Variants in CCDC88B observed in about 807,000 individuals in gnomAD.
CCDC88B encodes coiled-coil domain-containing protein 88B.
A neutral mutation model predicts 183.7 loss-of-function variants in CCDC88B; 138 were observed. That is an observed-to-expected ratio of 0.75 (90% CI 0.65 to 0.87). The LOEUF is 0.87. CCDC88B is among the 40% of genes least tolerant of loss of function. CCDC88B has a pLI of 0.00. For synonymous variants in CCDC88B, 835 were observed against 867.5 expected, an observed-to-expected ratio of 0.96 and a Z score of 0.66; for missense variants, 1,822 against 1,965.6, an observed-to-expected ratio of 0.93 and a Z score of 1.38.
chr11:64,344,147 G>T lies in CCDC88B; in HGVS notation c.1606G>T (p.Ala536Ser). 6.2e-7 allele frequency: 1 copy of T among 1,613,416 alleles called. No individual in the cohort carries two copies. Among genetic ancestry groups the T allele is most frequent in the Non-Finnish European group, 8.5e-7 (1 of 1,179,916 alleles). ...CCAGGCCTTGGACTTGGCTCCCCCG[G>T]CATTAGACTCAGTGCTCGAGGCATC... ...GPQALDLAPP[A>S]LDSVLEASAE... The change falls in exon 14 of 27, where the codon GCA (alanine) becomes TCA (serine). Residue 536 changes from alanine (A) to serine (S), a missense_variant. Ala to Ser is a moderately conservative substitution (Grantham distance 99, BLOSUM62 1). Transcript: ENST00000356786. The surrounding 1 kb of genome is among the most constrained non-coding windows in gnomAD (Gnocchi z 4.5).
At chr11:64,353,977 C>T in intron 23 of CCDC88B, 27 bp from the exon 24 acceptor site, 1 of 1,525,608 alleles carries the variant, frequency 6.6e-7, no homozygotes, top group South Asian at 1.3e-5. Flanking sequence ...CCTGTCCTGA[C>T]CCCCTCTTGT....
intron 14 of CCDC88B, among the ~76,000 whole-genome samples, chr11:64,346,001 T>G (rs1331608676): frequency 1.3e-5 from 2 of 152,106 alleles, no homozygotes; most frequent in Non-Finnish European, 2.9e-5. Context: ...CGAGACTGTC[T>G]CAAAACAAAC....
In CCDC88B at chr11:64,344,364, A is replaced by C. The variant is rs769375942; in HGVS notation, c.1823A>C (p.Gln608Pro). Residue 608 changes from glutamine (Q) to proline (P), a missense_variant, in exon 14 of 27, where the codon CAG (glutamine) becomes CCG (proline). By Grantham distance (76) the Gln-to-Pro change is moderately conservative (BLOSUM62 -1). Transcript: ENST00000356786. The surrounding 1 kb of genome is among the most constrained non-coding windows in gnomAD (Gnocchi z 4.5). ...LQSPASVAPP[Q>P]GPGTKIQAPQ... ...AGCCCTGCCTCTGTGGCCCCACCTC[A>C]GGGTCCAGGGACCAAAATTCAGGCC... is the stretch of plus-strand genomic sequence containing the variant. 6.3e-7 allele frequency: 1 copy of C among 1,589,222 alleles called. No homozygotes were observed. Among genetic ancestry groups the C allele is most frequent in the African/African-American group, 1.4e-5 (1 of 73,546 alleles).
intron 11 of CCDC88B, 36 bp downstream of exon 11, chr11:64,343,361 C>T (rs368605372): frequency 1.7e-4 from 261 of 1,546,186 alleles, no homozygotes; most frequent in Admixed American, 2.8e-4. Flanking sequence ...TGGGTTGCCC[C>T]GTCACCCCAT....
chr11:64,349,131 C>T, intron 14 of CCDC88B, 200 bp from the exon 15 acceptor site: 1 of 736,338 alleles, frequency 1.4e-6, no homozygotes, highest in Admixed American at 2.1e-5. Context: ...AGGCTTACAA[C>T]ACCCAGCTCT....
chr11:64,344,057 C>G lies in CCDC88B; in HGVS notation c.1516C>G (p.Gln506Glu). ...TCTTCCAGTGCTGGAGGAGGCTCCC[C>G]AGACTCCTGTGGCCTTCGACCACAG... is the stretch of plus-strand genomic sequence containing the variant. ...PVLPVLEEAP[Q>E]TPVAFDHSPQ... Residue 506 changes from glutamine to glutamate, a missense_variant, in exon 14 of 27, where the codon CAG (glutamine) becomes GAG (glutamate). Transcript: ENST00000356786. The surrounding 1 kb of genome is among the most constrained non-coding windows in gnomAD (Gnocchi z 4.5). 6.3e-7 allele frequency: 1 copy of G among 1,594,184 alleles called. No homozygotes were observed. Among genetic ancestry groups the G allele is most frequent in the South Asian group, 1.1e-5 (1 of 89,620 alleles).
intron 24 of CCDC88B, 53 bp from the exon 25 acceptor site, chr11:64,355,141 G>T (rs1051816575): frequency 8.0e-7 from 1 of 1,255,622 alleles, no homozygotes; most frequent in Non-Finnish European, 1.0e-6. Context: ...CCCTACAGGA[G>T]CCTCAGCTCC....
intron 18 of CCDC88B, 147 bp from the exon 19 acceptor site, chr11:64,351,983 C>A: frequency 8.4e-7 from 1 of 1,192,216 alleles, no homozygotes; most frequent in Non-Finnish European, 1.2e-6. Context: ...GGGGCTTGTA[C>A]TGCCTGCTGT....
intron 26 of CCDC88B, 136 bp downstream of exon 26, chr11:64,355,764 A>T (rs745709732): frequency 2.5e-6 from 2 of 800,044 alleles, no homozygotes; most frequent in South Asian, 3.9e-5. Context: ...GGGACACAGC[A>T]GGGAACGTTC....
rs772463081 is a variant in CCDC88B, at chr11:64,341,175, T to G, written c.385T>G (p.Ser129Ala). ...DLQTLGFDPLSEEAVEQLEGV... is the reference protein window; with the variant it reads ...DLQTLGFDPLAEEAVEQLEGV... ...CCAGACATTGGGATTTGACCCTCTC[T>G]CAGGTGCTCTCCCCACCCACACCCT... is the stretch of plus-strand genomic sequence containing the variant. The change falls in exon 4 of 27, where the codon TCA (serine) becomes GCA (alanine). Residue 129 changes from serine to alanine, a missense_variant. Ser to Ala is a moderately conservative substitution (Grantham distance 99). Coordinates refer to ENST00000356786, the MANE Select transcript of CCDC88B (RefSeq NM_032251.6). 9 of 1,614,028 alleles carry G rather than the reference T, an allele frequency of 5.6e-6. No homozygotes were observed. Among genetic ancestry groups the G allele is most frequent in the Non-Finnish European group, 6.8e-6 (8 of 1,179,980 alleles).
intron 10 of CCDC88B, 77 bp from the exon 11 acceptor site, chr11:64,343,102 G>C: frequency 6.9e-7 from 1 of 1,442,934 alleles, no homozygotes; most frequent in Non-Finnish European, 9.1e-7. Context: ...CAGGCTGAGG[G>C]GAAGGAGTTT....
chr11:64,349,515 TGG>T, intron 15 of CCDC88B, 34 bp from the exon 16 acceptor site: 2 of 224,682 alleles, frequency 8.9e-6, no homozygotes. Context: ...GGGGCGAGGG[TGG>T]GGTGGGGCTG....
intron 5 of CCDC88B, 33 bp downstream of exon 5, chr11:64,341,361 C>T (rs374646135): frequency 5.6e-6 from 9 of 1,613,836 alleles, no homozygotes; most frequent in African/African-American, 5.3e-5. Flanking sequence ...AGGTTAGGGT[C>T]GAGCTTTGGC....
Position 64,344,156 on chromosome 11 carries a change from T to C in CCDC88B, c.1615T>C (p.Ser539Pro). ...GGACTTGGCTCCCCCGGCATTAGAC[T>C]CAGTGCTCGAGGCATCAGCTGAGTG... Reference protein sequence around the residue: ...ALDLAPPALDSVLEASAECPQ... With the variant: ...ALDLAPPALDPVLEASAECPQ... The change falls in exon 14 of 27, where the codon TCA (serine) becomes CCA (proline). Residue 539 changes from serine to proline, a missense_variant. Ser to Pro is a moderately conservative substitution (Grantham distance 74). Coordinates refer to ENST00000356786, the MANE Select transcript of CCDC88B (RefSeq NM_032251.6). This position sits in a 1 kb window ranked among gnomAD's most constrained non-coding sequence, Gnocchi z 4.5. 1 of 1,613,118 alleles carries C rather than the reference T, an allele frequency of 6.2e-7. No individual in the cohort carries two copies. Among genetic ancestry groups the C allele is most frequent in the Non-Finnish European group, 8.5e-7 (1 of 1,179,752 alleles).
Position 64,354,097 on chromosome 11 carries a change from G to C in CCDC88B, c.4026G>C (p.Gly1342=). The change falls in exon 24 of 27, where the codon GGG becomes GGC. Residue 1342 remains glycine, a synonymous_variant. Coordinates refer to ENST00000356786, the MANE Select transcript of CCDC88B (RefSeq NM_032251.6). ...PPGGLRLGAD[G]AGSTESLGGP... ...GGGGGCTGCGCCTGGGGGCCGATGG[G>C]GCTGGCAGCACCGAGAGCCTGGGGG... 7.1e-7 allele frequency: 1 copy of C among 1,408,078 alleles called. No individual in the cohort carries two copies. Among genetic ancestry groups the C allele is most frequent in the Non-Finnish European group, 9.3e-7 (1 of 1,075,182 alleles). 87.2% of individuals were successfully genotyped at this position (1,408,078 alleles called of 1,614,324 possible). A position where few individuals can be genotyped will look rare whatever the true frequency, so the allele number is the denominator to read the frequency against.
chr11:64,355,124 ACCT>A, intron 24 of CCDC88B, 67 bp from the exon 25 acceptor site: 3 of 993,990 alleles, frequency 3.0e-6, no homozygotes, highest in Non-Finnish European at 3.7e-6. Context: ...CCATTCTCTG[ACCT>A]CCTCCCTACA....
In CCDC88B at chr11:64,340,916, C is replaced by G. The variant is rs780938929; in HGVS notation, c.216C>G (p.Ser72Arg). The G allele has an allele frequency of 1.3e-6, 2 of 1,553,900 alleles. No homozygotes were observed. The highest frequency in any genetic ancestry group is 1.7e-6 in the Non-Finnish European group (2 of 1,149,698). The change falls in exon 3 of 27, where the codon AGC becomes AGG. Residue 72 changes from serine to arginine, a missense_variant. Coordinates refer to ENST00000356786, the MANE Select transcript of CCDC88B (RefSeq NM_032251.6). The part of the protein sequence containing the change: ...LLRVLGIIAP[S>R]SRGGPRMLRG... The stretch of plus-strand genomic sequence containing the variant: ...CACCTCCGGCTCATAGTGCCCCCAG[C>G]TCCCGAGGGGGACCTCGGATGCTCA...
intron 19 of CCDC88B, 113 bp from the exon 20 acceptor site, chr11:64,352,631 G>C (rs2036382510): frequency 2.0e-6 from 3 of 1,494,666 alleles, no homozygotes; most frequent in Non-Finnish European, 2.7e-6. Context: ...TTCCTCTGGG[G>C]GACCTAGGCT....
chr11:64,352,437 G>A, intron 19 of CCDC88B, 51 bp downstream of exon 19: 2 of 1,488,076 alleles, frequency 1.3e-6, no homozygotes, highest in Non-Finnish European at 1.8e-6. Context: ...CTATCTGCCA[G>A]AGAAGACTCC....
Sources: allele counts gnomAD v4.1 joint callset (sites outside exome capture counted in the v4.1 genomes callset), GRCh38; gene constraint gnomAD v4.1.1; non-coding constraint Gnocchi (gnomAD v3.1); transcripts MANE v1.5; gene names NCBI Gene and HGNC (gene_info 2026-07-23, HGNC 2026-07-21).